Variants in TBC1D30 observed in about 807,000 individuals in gnomAD.
TBC1D30 encodes the protein TBC1 domain family, member 30.
In TBC1D30, 31 loss-of-function variants were observed where a neutral mutation model predicts 63.2. The observed-to-expected ratio is 0.49, with a 90% CI of 0.37 to 0.66. The LOEUF is 0.66. Among genes scored for constraint, TBC1D30 ranks in the 30% least tolerant of loss-of-function variants. TBC1D30 has a pLI of 0.00. For missense variants in TBC1D30, 810 were observed against 953.6 expected, an observed-to-expected ratio of 0.85 and a Z score of 1.98; for synonymous variants, 307 against 361.5, an observed-to-expected ratio of 0.85 and a Z score of 1.71.
At chr12:64,839,055 A>G (rs527381591) in intron 7 of TBC1D30, among the ~76,000 whole-genome samples, 35 of 152,324 alleles carry the variant, frequency 2.3e-4, no homozygotes, top group African/African-American at 8.4e-4. Flanking sequence ...TTAGGCCTGT[A>G]GATTCTCCCA....
intron 1 of TBC1D30, 107 bp downstream of exon 1, chr12:64,825,140 C>T: frequency 1.4e-6 from 2 of 1,397,552 alleles, no homozygotes; most frequent in East Asian, 2.6e-5. Context: ...TGGGGAAAGT[C>T]CGCGTGCCAC....
At chr12:64,826,509 C>T (rs1874362883) in intron 1 of TBC1D30, among the ~76,000 whole-genome samples, 1 of 152,154 alleles carries the variant, frequency 6.6e-6, no homozygotes, top group South Asian at 2.1e-4. Flanking sequence ...CCATTCAGCA[C>T]CTCGCGTCCG....
In TBC1D30 at chr12:64,792,910, G is replaced by A. The variant is rs12828124; in HGVS notation, c.643+6865G>A. On this transcript the variant is annotated intron_variant, in intron 2 of 12. Coordinates refer to the TBC1D30 transcript ENST00000542120. ...TGGAATAATCAACTAGGTTGGGGGA[G>A]AGGCTTGCTTTTTGTTTTTGATTCA... Among the ~76,000 whole-genome samples the A allele has an allele frequency of 9.5e-3, 1,445 of 152,250 alleles. 12 individuals are homozygous for A. Among genetic ancestry groups the A allele is most frequent in the South Asian group, 0.026 (125 of 4,830 alleles).
At position 64,816,477 on chromosome 12, in the gene TBC1D30, C is replaced by T. The variant is rs116197426; in HGVS notation, c.644-11358C>T. ...CTCAAACTGTATTGTCCAAGCATTG[C>T]TGTTGGCCAACATTTATATTGGATT... On this transcript the variant is annotated intron_variant, in intron 2 of 12. Coordinates refer to the TBC1D30 transcript ENST00000542120. 3.9e-3 allele frequency among the ~76,000 whole-genome samples: 600 copies of T among 152,304 alleles called. 6 individuals are homozygous for T. The highest frequency in any genetic ancestry group is 0.014 in the African/African-American group (586 of 41,568).
At chr12:64,763,557 A>G (rs1188942004) in intron 1 of TBC1D30, among the ~76,000 whole-genome samples, 1 of 150,096 alleles carries the variant, frequency 6.7e-6, no homozygotes, top group African/African-American at 2.4e-5. Context: ...TGTCAGGATA[A>G]TTTCTCTTTA....
At chr12:64,868,496 C>A in intron 10 of TBC1D30, 1 of 250,958 alleles carries the variant, frequency 4.0e-6, no homozygotes, top group Non-Finnish European at 7.7e-6. Flanking sequence ...CCATTTGAAT[C>A]TCAGTTCTGT....
intron 2 of TBC1D30, among the ~76,000 whole-genome samples, chr12:64,795,919 C>T (rs1592554840): frequency 6.6e-6 from 1 of 151,718 alleles, no homozygotes; most frequent in African/African-American, 2.4e-5. Flanking sequence ...GTAGATTTGC[C>T]TTAAATTTGG....
At chr12:64,790,177 C>T (rs1017309939) in intron 2 of TBC1D30, among the ~76,000 whole-genome samples, 1 of 152,098 alleles carries the variant, frequency 6.6e-6, no homozygotes, top group Non-Finnish European at 1.5e-5. Context: ...GTTATAAATA[C>T]AGAGTTTCTG....
At chr12:64,820,129 G>T (rs11175565), upstream of TBC1D30, among the ~76,000 whole-genome samples, 5 of 152,112 alleles carry the variant, frequency 3.3e-5, no homozygotes, top group African/African-American at 1.2e-4. Flanking sequence ...AGATAAGCAC[G>T]TAGGCCCTTT....
intron 3 of TBC1D30, among the ~76,000 whole-genome samples, 192 bp from the exon 4 acceptor site, chr12:64,830,185 A>G (rs1251687980): frequency 6.6e-6 from 1 of 152,192 alleles, no homozygotes; most frequent in Non-Finnish European, 1.5e-5. Context: ...AGAGTAAATG[A>G]AAGGCCCTAA....
chr12:64,860,224 C>T (rs1210212859), intron 8 of TBC1D30, among the ~76,000 whole-genome samples: 2 of 151,912 alleles, frequency 1.3e-5, no homozygotes, highest in African/African-American at 4.8e-5. Context: ...CACCATGTTG[C>T]CCAGGCTGGT....
exon 1 of TBC1D30, chr12:64,780,915 T>C (rs1592532885): frequency 9.6e-7 from 1 of 1,037,546 alleles, no homozygotes; most frequent in Non-Finnish European, 1.2e-6. Flanking sequence ...GAAGAAACGA[T>C]TCCTGCAGCT....
rs571840317 is a variant in TBC1D30 at position 64,876,871 on chromosome 12, G to A, written c.*1083G>A. On this transcript the variant is annotated 3_prime_UTR_variant, in exon 12 of 12. Coordinates refer to ENST00000539867, the MANE Select transcript of TBC1D30 (RefSeq NM_015279.2). The stretch of plus-strand genomic sequence containing the variant: ...CAGCGGGTCAGGGATAGCACCTCTT[G>A]TCTCCACTATGCAGATGGGAACTCT... 1 of 456,000 alleles carries A rather than the reference G, an allele frequency of 2.2e-6. No homozygotes were observed. Among genetic ancestry groups the A allele is most frequent in the South Asian group, 1.5e-5 (1 of 64,552 alleles). 28.2% of individuals were successfully genotyped at this position (456,000 alleles called of 1,614,324 possible).
At chr12:64,860,221 T>G (rs1260824099) in intron 8 of TBC1D30, among the ~76,000 whole-genome samples, 1 of 152,118 alleles carries the variant, frequency 6.6e-6, no homozygotes, top group Non-Finnish European at 1.5e-5. Context: ...TTTCACCATG[T>G]TGCCCAGGCT....
chr12:64,831,090 A>T (rs1266229252), intron 4 of TBC1D30, among the ~76,000 whole-genome samples: 1 of 152,160 alleles, frequency 6.6e-6, no homozygotes, highest in African/African-American at 2.4e-5. Context: ...GCTCTAGCAC[A>T]TGGTTTTTGA....
At chr12:64,769,845 C>G (rs909433237) in intron 1 of TBC1D30, among the ~76,000 whole-genome samples, 23 of 152,114 alleles carry the variant, frequency 1.5e-4, no homozygotes, top group Non-Finnish European at 2.8e-4. Flanking sequence ...AAATATTTAA[C>G]TCTCCCTACA....
intron 8 of TBC1D30, among the ~76,000 whole-genome samples, chr12:64,864,032 G>T (rs1878005620): frequency 6.6e-6 from 1 of 151,834 alleles, no homozygotes; most frequent in South Asian, 2.1e-4. Context: ...TCTGGTGGAA[G>T]CACAGGTGCT....
rs1878894279 is a variant in TBC1D30 at position 64,874,538 on chromosome 12, C to T, written c.1499-463C>T. On this transcript the variant is annotated intron_variant, in intron 11 of 11. Coordinates refer to ENST00000539867, the MANE Select transcript of TBC1D30 (RefSeq NM_015279.2). ...CCTTTTTATCACTTCTGTCATTCTG[C>T]TGGATCTCACTTCATAATATGCAGT... Among the ~76,000 whole-genome samples, 6 of 152,324 alleles carry T rather than the reference C, an allele frequency of 3.9e-5. No individual in the cohort carries two copies. In the South Asian group the frequency reaches 1.2e-3, roughly 32 times the overall value.
Position 64,875,875 on chromosome 12 carries a change from T to C in TBC1D30, c.*87T>C, listed in dbSNP as rs935528306. ...AATGGCTCTAAAAGAGTTTTATTTG[T>C]CCAGTGAAAATGAATAGGTTCAGGG... On this transcript the variant is annotated 3_prime_UTR_variant, in exon 12 of 12. Transcript: ENST00000539867. The C allele has an allele frequency of 1.4e-4, 185 of 1,346,114 alleles. 2 individuals carry two copies. Among genetic ancestry groups the C allele is most frequent in the Non-Finnish European group, 2.6e-5 (26 of 1,017,606 alleles). 83.4% of individuals were successfully genotyped at this position (1,346,114 alleles called of 1,614,324 possible).
Sources: gnomAD v4.1 joint callset for allele counts (sites outside exome capture counted in the v4.1 genomes callset) on GRCh38, gnomAD v4.1.1 for gene constraint, MANE v1.5 for transcripts, NCBI Gene and HGNC (gene_info 2026-07-23, HGNC 2026-07-21) for gene names.